MATN2: variants seen among roughly 807,000 people sequenced by gnomAD.
The protein encoded by MATN2 is matrilin 2.
A neutral mutation model predicts 103.2 loss-of-function variants in MATN2; 69 were observed. The observed-to-expected ratio is 0.67, with a 90% CI of 0.55 to 0.82. MATN2 has a LOEUF of 0.82. Among genes scored for constraint, MATN2 ranks in the 40% least tolerant of loss-of-function variants. MATN2 has a pLI of 0.00. For missense variants in MATN2, 1,023 were observed against 1,211.5 expected (o/e 0.84, Z 2.31); for synonymous variants, 429 against 450.2 (o/e 0.95, Z 0.60).
chr8:98,033,139 G>A lies in MATN2; in HGVS notation c.2679G>A (p.Arg893=). 1 of 1,609,954 alleles carries A rather than the reference G, an allele frequency of 6.2e-7. No individual in the cohort carries two copies. Among genetic ancestry groups the A allele is most frequent in the Non-Finnish European group, 8.5e-7 (1 of 1,178,096 alleles). The change falls in exon 17 of 19, where the codon CGG becomes CGA. Residue 893 remains arginine, a synonymous_variant. Transcript: ENST00000254898. ...TGTTTGAAGAAGACAATCTTTTACG[G>A]TCTACACAAAAGCTTTCCCATTCAA... is the stretch of plus-strand genomic sequence containing the variant. ...RYLFEEDNLL[R]STQKLSHSTK...
chr8:97,875,804 T>C (rs1818050311), intron 1 of MATN2, among the ~76,000 whole-genome samples: 1 of 142,630 alleles, frequency 7.0e-6, no homozygotes, highest in Non-Finnish European at 1.5e-5. Context: ...CACACCATTC[T>C]CCTGCCTCAG....
chr8:98,001,831 T>C (rs1812795992), intron 7 of MATN2, among the ~76,000 whole-genome samples: 4 of 152,150 alleles, frequency 2.6e-5, no homozygotes, highest in Admixed American at 2.6e-4. Flanking sequence ...AGTAAGCTTC[T>C]TATGTTTCAT....
rs1817804337 is a variant in MATN2 at position 97,869,110 on chromosome 8, G to C, written c.-204G>C. The C allele has an allele frequency of 6.6e-6, 1 of 152,468 alleles. No homozygotes were observed. Among genetic ancestry groups the C allele is most frequent in the African/African-American group, 2.4e-5 (1 of 41,466 alleles). 9.4% of individuals were successfully genotyped at this position (152,468 alleles called of 1,614,324 possible). On this transcript the variant is annotated 5_prime_UTR_variant, in exon 1 of 19. Coordinates refer to ENST00000254898, the MANE Select transcript of MATN2 (RefSeq NM_002380.5). ...GAGCGAAGGGAGCGCTCTGGGATGG[G>C]ACTTGGAGCAAGCGGCGGCGGCGGA... is the stretch of plus-strand genomic sequence containing the variant.
chr8:98,011,726 G>A (rs1813167439), intron 10 of MATN2, among the ~76,000 whole-genome samples: 1 of 152,206 alleles, frequency 6.6e-6, no homozygotes, highest in Non-Finnish European at 1.5e-5. Context: ...TTCTCTCTCT[G>A]GGGTTGGGGT....
chr8:97,965,660 C>T (rs899175641), intron 5 of MATN2, among the ~76,000 whole-genome samples: 5 of 151,090 alleles, frequency 3.3e-5, no homozygotes, highest in African/African-American at 9.7e-5. Context: ...ATAGTGAGAC[C>T]CCCATCTCTA....
intron 2 of MATN2, among the ~76,000 whole-genome samples, chr8:97,916,442 C>T (rs572086363): frequency 6.6e-6 from 1 of 152,232 alleles, no homozygotes; most frequent in Non-Finnish European, 1.5e-5. Context: ...TGTAGGTAAA[C>T]TCAGGTGTCA....
In MATN2 at chr8:97,977,235, CAAAAAAAAAAA is replaced by C. The variant is rs34634037; in HGVS notation, c.959-1631_959-1621del. Among the ~76,000 whole-genome samples, 303 of 35,946 alleles carry C rather than the reference CAAAAAAAAAAA, an allele frequency of 8.4e-3. 5 individuals carry two copies. Among genetic ancestry groups the C allele is most frequent in the African/African-American group, 0.035 (269 of 7,624 alleles). 23.6% of individuals were successfully genotyped at this position (35,946 alleles called of 152,430 possible). ...TGGGAGACAAAGTGAGACCCTGTCTCAAAAAAAAAAAAAAAAAAAAAAAAAAAAAAGACAAG... is the reference window on the plus strand; with the variant it reads ...TGGGAGACAAAGTGAGACCCTGTCTCAAAAAAAAAAAAAAAAAAAGACAAG... On this transcript the variant is annotated intron_variant, in intron 5 of 18. Transcript: ENST00000254898.
intron 10 of MATN2, among the ~76,000 whole-genome samples, chr8:98,016,279 G>A (rs187355799): frequency 6.6e-6 from 1 of 152,224 alleles, no homozygotes; most frequent in African/African-American, 2.4e-5. Context: ...AGGCTGAGAT[G>A]GGAGGATCAC....
At chr8:97,913,175 A>G (rs1034171553) in intron 2 of MATN2, among the ~76,000 whole-genome samples, 2 of 151,970 alleles carry the variant, frequency 1.3e-5, no homozygotes, top group Non-Finnish European at 2.9e-5. Flanking sequence ...GGGTTCCCCA[A>G]TTCTTACCCA....
At position 98,007,578 on chromosome 8, in the gene MATN2, G is replaced by A. The variant is rs201090956; in HGVS notation, c.1550G>A (p.Arg517His). ...CAGTGTCCTGAGGGACACGTGCTCCGCAGCGATGGGAAGACGTGTGCAAGT... is the reference window on the plus strand; with the variant it reads ...CAGTGTCCTGAGGGACACGTGCTCCACAGCGATGGGAAGACGTGTGCAAGT... The part of the protein sequence containing the change: ...ACQCPEGHVL[R>H]SDGKTCAKLD... Residue 517 changes from arginine to histidine, a missense_variant, in exon 10 of 19, where the codon CGC becomes CAC. By Grantham distance (29) the Arg-to-His change is conservative. Coordinates refer to ENST00000254898, the MANE Select transcript of MATN2 (RefSeq NM_002380.5). This position sits in a 1 kb window ranked among gnomAD's most constrained non-coding sequence, Gnocchi z 4.2. 121 of 1,612,246 alleles carry A rather than the reference G, an allele frequency of 7.5e-5. 2 individuals are homozygous for A. Among genetic ancestry groups the A allele is most frequent in the South Asian group, 3.8e-4 (35 of 91,058 alleles).
intron 4 of MATN2, among the ~76,000 whole-genome samples, chr8:97,947,039 A>G (rs1206719201): frequency 6.6e-6 from 1 of 152,220 alleles, no homozygotes; most frequent in Non-Finnish European, 1.5e-5. Flanking sequence ...TATTCCAAGA[A>G]TGCAAGTTTG....
intron 5 of MATN2, among the ~76,000 whole-genome samples, chr8:97,974,911 C>T (rs1811782956): frequency 1.3e-5 from 2 of 152,168 alleles, no homozygotes; most frequent in African/African-American, 4.8e-5. Flanking sequence ...GGGTCCCACT[C>T]CCAGAACTTC....
chr8:97,898,728 G>A (rs955784653), intron 2 of MATN2, among the ~76,000 whole-genome samples: 10 of 152,052 alleles, frequency 6.6e-5, no homozygotes, highest in Admixed American at 1.3e-4. Context: ...CAACTACTGA[G>A]CAGCCAGAGG....
chr8:98,008,981 G>C (rs1813069200), intron 10 of MATN2, among the ~76,000 whole-genome samples: 1 of 152,176 alleles, frequency 6.6e-6, no homozygotes, highest in Non-Finnish European at 1.5e-5. Flanking sequence ...TCTGGATTTT[G>C]ACCTGACCAC....
At chr8:98,020,544 T>C (rs1298978821) in intron 12 of MATN2, among the ~76,000 whole-genome samples, 2 of 152,224 alleles carry the variant, frequency 1.3e-5, no homozygotes, top group Admixed American at 6.5e-5. Context: ...AAGGTACAAC[T>C]TCTACCTCTG....
chr8:97,880,587 T>C (rs1818221699), intron 1 of MATN2, among the ~76,000 whole-genome samples: 1 of 152,210 alleles, frequency 6.6e-6, no homozygotes, highest in South Asian at 2.1e-4. Context: ...TGTTTCTTGC[T>C]GTAATATGCT....
chr8:98,028,096 C>A (rs1240722089), intron 14 of MATN2, among the ~76,000 whole-genome samples: 4 of 152,190 alleles, frequency 2.6e-5, no homozygotes, highest in African/African-American at 9.7e-5. Flanking sequence ...CTGTGATTTA[C>A]TAGCCAGTGT....
At chr8:97,990,421 G>A (rs1812356002) in intron 6 of MATN2, among the ~76,000 whole-genome samples, 1 of 152,162 alleles carries the variant, frequency 6.6e-6, no homozygotes, top group Non-Finnish European at 1.5e-5. Context: ...ATAAATTGCT[G>A]GTGGGAATGT....
chr8:97,939,333 T>G (rs1158169589), intron 3 of MATN2, among the ~76,000 whole-genome samples: 1 of 152,124 alleles, frequency 6.6e-6, no homozygotes, highest in Non-Finnish European at 1.5e-5. Context: ...CGCATCACCA[T>G]TTTAAACCGC....
Sources: allele counts gnomAD v4.1 joint callset (sites outside exome capture counted in the v4.1 genomes callset), GRCh38; gene constraint gnomAD v4.1.1; non-coding constraint Gnocchi (gnomAD v3.1); transcripts MANE v1.5; gene names NCBI Gene and HGNC (gene_info 2026-07-23, HGNC 2026-07-21).